RASEF: variants seen among roughly 807,000 people sequenced by gnomAD.
RASEF encodes the protein RAS and EF-hand domain containing.
In RASEF, 68 loss-of-function variants were observed where a neutral mutation model predicts 90.1. The ratio of observed to expected loss-of-function variants is 0.75; its 90% CI spans 0.62 to 0.92. The LOEUF is 0.92. Among genes scored for constraint, RASEF ranks in the 40% least tolerant of loss-of-function variants. The probability of loss-of-function intolerance (pLI) is 0.00; values close to 1 mark genes in which losing one functional copy is unlikely to be tolerated. For synonymous variants in RASEF, 331 were observed against 345.2 expected (o/e 0.96, Z 0.46); for missense variants, 949 against 937.2 (o/e 1.01, Z -0.16).
chr9:83,113,434 C>G, the RASEF span, among the ~76,000 whole-genome samples: 1 of 152,126 alleles, frequency 6.6e-6, no homozygotes, highest in Non-Finnish European at 1.5e-5. Flanking sequence ...TAAAAAAGAA[C>G]AGAATAACAG....
the RASEF span, among the ~76,000 whole-genome samples, chr9:83,096,310 CAG>C: frequency 6.6e-6 from 1 of 152,120 alleles, no homozygotes; most frequent in African/African-American, 2.4e-5. Context: ...TAGATTTTCA[CAG>C]AGTTTTATGA....
chr9:82,982,828 AGAGAGG>A, intron 16 of RASEF, 46 bp from the exon 17 acceptor site: 1 of 1,089,992 alleles, frequency 9.2e-7, no homozygotes, highest in African/African-American at 1.6e-5. Flanking sequence ...AGAGAGAGAG[AGAGAGG>A]ATTACTGAGG....
the RASEF span, among the ~76,000 whole-genome samples, chr9:83,185,629 T>A: frequency 6.6e-6 from 1 of 152,122 alleles, no homozygotes; most frequent in Non-Finnish European, 1.5e-5. Context: ...CACACATGAA[T>A]GTTCCCCAAA....
intron 16 of RASEF, among the ~76,000 whole-genome samples, chr9:82,983,136 CA>C (rs1828646851): frequency 6.6e-6 from 1 of 151,336 alleles, no homozygotes; most frequent in African/African-American, 2.4e-5. Flanking sequence ...CACACACACA[CA>C]CACACACACA....
chr9:83,134,408 G>GCACACACACACACA, the RASEF span, among the ~76,000 whole-genome samples: 11 of 135,918 alleles, frequency 8.1e-5, no homozygotes, highest in East Asian at 6.4e-4. Flanking sequence ...GATCACAATA[G>GCACACACACACACA]CGCACACACA....
At chr9:83,086,292 A>G in the RASEF span, among the ~76,000 whole-genome samples, 1 of 152,138 alleles carries the variant, frequency 6.6e-6, no homozygotes. Flanking sequence ...TTTTATAAGG[A>G]AGCAACTCAG....
the RASEF span, among the ~76,000 whole-genome samples, chr9:83,173,064 A>G: frequency 1.3e-5 from 2 of 151,942 alleles, no homozygotes; most frequent in African/African-American, 4.8e-5. Flanking sequence ...TGAATCTGTC[A>G]TCCTAATTTC....
chr9:83,098,730 C>T, the RASEF span, among the ~76,000 whole-genome samples: 1 of 152,148 alleles, frequency 6.6e-6, no homozygotes, highest in South Asian at 2.1e-4. Context: ...TACATGGCAG[C>T]AGGCAAAGAG....
chr9:83,064,701 T>C (rs1005053399), upstream of RASEF, among the ~76,000 whole-genome samples: 1 of 152,198 alleles, frequency 6.6e-6, no homozygotes, highest in Admixed American at 6.5e-5. Context: ...TTTGTGCTCA[T>C]TTTTTCTGAA....
At chr9:83,008,962 T>G (rs1483224156) in intron 6 of RASEF, among the ~76,000 whole-genome samples, 1 of 124,416 alleles carries the variant, frequency 8.0e-6, no homozygotes, top group Non-Finnish European at 1.8e-5. Flanking sequence ...TTTGAGATTA[T>G]AAATATATAT....
At chr9:83,176,269 T>C in the RASEF span, among the ~76,000 whole-genome samples, 1 of 152,222 alleles carries the variant, frequency 6.6e-6, no homozygotes, top group Admixed American at 6.5e-5. Context: ...TACTAATGTT[T>C]CTGTTTTAAT....
the RASEF span, among the ~76,000 whole-genome samples, chr9:83,092,953 C>G: frequency 6.6e-6 from 1 of 152,054 alleles, no homozygotes; most frequent in African/African-American, 2.4e-5. Context: ...ACACAGGGTG[C>G]TGATTGGTGT....
intron 4 of RASEF, 46 bp downstream of exon 4, chr9:83,015,759 T>A: frequency 7.4e-7 from 1 of 1,342,668 alleles, no homozygotes; most frequent in Non-Finnish European, 1.1e-6. Flanking sequence ...TTAGATACCC[T>A]GAGATGCTGA....
chr9:83,130,910 C>T, the RASEF span, among the ~76,000 whole-genome samples: 209 of 152,314 alleles, frequency 1.4e-3, no homozygotes, highest in Non-Finnish European at 2.5e-3. Context: ...ATCTTGTCAC[C>T]TAATATTTGT....
upstream of RASEF, among the ~76,000 whole-genome samples, chr9:83,065,586 C>CA (rs938516653): frequency 5.9e-5 from 9 of 151,554 alleles, no homozygotes; most frequent in Non-Finnish European, 1.2e-4. Context: ...GAAGGGACTA[C>CA]AAAAAAAACA....
At chr9:83,012,671 G>A (rs931992743) in intron 4 of RASEF, among the ~76,000 whole-genome samples, 160 bp from the exon 5 acceptor site, 3 of 152,116 alleles carry the variant, frequency 2.0e-5, no homozygotes, top group Non-Finnish European at 2.9e-5. Context: ...AATCCATAAG[G>A]ATTTGAAATT....
intron 1 of RASEF, among the ~76,000 whole-genome samples, chr9:83,033,612 A>T (rs373602027): frequency 1.9e-4 from 29 of 152,358 alleles, no homozygotes; most frequent in African/African-American, 7.0e-4. Context: ...ATGGGAAGCC[A>T]TGGCAAGATT....
chr9:83,159,045 G>GCC, the RASEF span, among the ~76,000 whole-genome samples: 1 of 152,026 alleles, frequency 6.6e-6, no homozygotes, highest in African/African-American at 2.4e-5. Flanking sequence ...AATTAGCCAG[G>GCC]CGTGGTGGCA....
chr9:83,022,814 T>C (rs1277001798), intron 2 of RASEF, among the ~76,000 whole-genome samples: 1 of 152,196 alleles, frequency 6.6e-6, no homozygotes, highest in East Asian at 1.9e-4. Context: ...CATGGGACTG[T>C]ACTGAATACT....
Sources: gnomAD v4.1 joint callset for allele counts (sites outside exome capture counted in the v4.1 genomes callset) on GRCh38, gnomAD v4.1.1 for gene constraint, MANE v1.5 for transcripts, NCBI Gene and HGNC (gene_info 2026-07-23, HGNC 2026-07-21) for gene names.